Variants in ENAH observed in about 807,000 individuals in gnomAD.
The protein encoded by ENAH is ENAH actin regulator.
ENAH carries 23 observed loss-of-function variants against 78.7 expected under a neutral mutation model. The observed-to-expected ratio is 0.29, with a 90% CI of 0.21 to 0.41. ENAH has a LOEUF of 0.41. Among genes scored for constraint, ENAH ranks in the 10% least tolerant of loss-of-function variants. ENAH has a pLI of 1.00. For synonymous variants in ENAH, 226 were observed against 241.0 expected, an observed-to-expected ratio of 0.94 and a Z score of 0.58; for missense variants, 544 against 691.0, an observed-to-expected ratio of 0.79 and a Z score of 2.39.
At chr1:225,625,145 A>G (rs912527181) in intron 1 of ENAH, among the ~76,000 whole-genome samples, 3 of 152,246 alleles carry the variant, frequency 2.0e-5, no homozygotes, top group African/African-American at 4.8e-5. Flanking sequence ...TCCAAGAGTC[A>G]AAAGATATGA....
At chr1:225,505,613 C>A (rs1200656488) in intron 11 of ENAH, among the ~76,000 whole-genome samples, 2 of 101,954 alleles carry the variant, frequency 2.0e-5, no homozygotes, top group Non-Finnish European at 4.1e-5. Context: ...CACTACAATG[C>A]AAGGATAAGA....
At chr1:225,535,302 T>C (rs2096556303) in intron 3 of ENAH, among the ~76,000 whole-genome samples, 1 of 152,144 alleles carries the variant, frequency 6.6e-6, no homozygotes, top group African/African-American at 2.4e-5. Context: ...TTCTAACTAA[T>C]TCTAATGCTC....
chr1:225,636,013 T>C (rs1041337613), intron 1 of ENAH, among the ~76,000 whole-genome samples: 4 of 152,232 alleles, frequency 2.6e-5, no homozygotes, highest in Non-Finnish European at 5.9e-5. Context: ...GCCTGCCTGT[T>C]GGCCTTACAA....
At position 225,495,358 on chromosome 1, in the gene ENAH, A is replaced by T. The variant is rs571909250; in HGVS notation, c.*2417T>A. 4 of 152,480 alleles carry T rather than the reference A, an allele frequency of 2.6e-5. No homozygotes were observed. Among genetic ancestry groups the T allele is most frequent in the Non-Finnish European group, 5.9e-5 (4 of 67,970 alleles). 9.4% of individuals were successfully genotyped at this position (152,480 alleles called of 1,614,324 possible). The stretch of plus-strand genomic sequence containing the variant: ...AATCTCTAATAATGACACAACTGTC[A>T]TGTATGATAGCAAATGTATATAATA... On this transcript the variant is annotated 3_prime_UTR_variant, in exon 14 of 14. Coordinates refer to ENST00000366843, the MANE Select transcript of ENAH (RefSeq NM_018212.6).
chr1:225,517,805 G>A (rs567836149), intron 5 of ENAH: 538 of 1,551,386 alleles, frequency 3.5e-4, no homozygotes, highest in Non-Finnish European at 4.5e-4. Context: ...GTCGCTGAGT[G>A]TCGCAGTGGT....
At chr1:225,589,738 T>C (rs1488251340) in intron 1 of ENAH, among the ~76,000 whole-genome samples, 1 of 152,156 alleles carries the variant, frequency 6.6e-6, no homozygotes, top group Non-Finnish European at 1.5e-5. Flanking sequence ...AGATGTGTGA[T>C]AAAGCAAATA....
intron 11 of ENAH, chr1:225,505,161 A>G: frequency 1.3e-6 from 1 of 747,846 alleles, no homozygotes; most frequent in Non-Finnish European, 2.1e-6. Flanking sequence ...ACAAGAATTG[A>G]GTCTATTAAC....
chr1:225,527,722 T>C (rs1333807470), intron 4 of ENAH, among the ~76,000 whole-genome samples: 2 of 152,198 alleles, frequency 1.3e-5, no homozygotes, highest in East Asian at 1.9e-4. Flanking sequence ...GTACTCACAT[T>C]GCACGTGTGT....
chr1:225,621,784 G>C (rs1263615393), intron 1 of ENAH, among the ~76,000 whole-genome samples: 1 of 151,948 alleles, frequency 6.6e-6, no homozygotes, highest in East Asian at 1.9e-4. Context: ...ATTTACCTCA[G>C]CACACAGCTT....
At chr1:225,512,762 A>G in intron 8 of ENAH, 48 bp from the exon 9 acceptor site, 1 of 1,610,114 alleles carries the variant, frequency 6.2e-7, no homozygotes, top group South Asian at 1.1e-5. Flanking sequence ...CTGATTCAGT[A>G]TAAAAACCAC....
chr1:225,628,279 A>G (rs532587864), intron 1 of ENAH, among the ~76,000 whole-genome samples: 13 of 152,358 alleles, frequency 8.5e-5, no homozygotes, highest in African/African-American at 2.9e-4. Flanking sequence ...CATTTTGGCA[A>G]TAAGATTCAA....
intron 3 of ENAH, among the ~76,000 whole-genome samples, chr1:225,543,291 A>C (rs1177216635): frequency 6.6e-6 from 1 of 152,240 alleles, no homozygotes; most frequent in African/African-American, 2.4e-5. Context: ...GAATAGGAAA[A>C]GGAATTCTCT....
At chr1:225,641,520 C>T (rs971649971) in intron 1 of ENAH, among the ~76,000 whole-genome samples, 3 of 148,154 alleles carry the variant, frequency 2.0e-5, no homozygotes, top group African/African-American at 5.0e-5. Context: ...AATGAGTTGC[C>T]GCACACTTCA....
intron 4 of ENAH, among the ~76,000 whole-genome samples, chr1:225,520,458 CTA>C (rs2096458536): frequency 6.6e-6 from 1 of 151,836 alleles, no homozygotes; most frequent in African/African-American, 2.4e-5. Flanking sequence ...CTATATACCT[CTA>C]GACTTCCCCT....
rs535458595 is a variant in ENAH, at chr1:225,547,389, T to A, written c.349+7517A>T. ...CCGGCCAAGACCTCTATTATTAACA[T>A]ATGAGAATAGGTAGCCAGAATTCTT... On this transcript the variant is annotated intron_variant, in intron 3 of 13. Coordinates refer to ENST00000366843, the MANE Select transcript of ENAH (RefSeq NM_018212.6). Among the ~76,000 whole-genome samples, 110 of 152,214 alleles carry A rather than the reference T, an allele frequency of 7.2e-4. 1 individual carries two copies. The highest frequency in any genetic ancestry group is 2.5e-3 in the African/African-American group (103 of 41,548).
chr1:225,546,173 C>T (rs2096613035), intron 3 of ENAH, among the ~76,000 whole-genome samples: 1 of 152,008 alleles, frequency 6.6e-6, no homozygotes, highest in Admixed American at 6.6e-5. Context: ...AGAGATCTTC[C>T]CAAAGCACTG....
At chr1:225,632,251 C>A (rs1659217383) in intron 1 of ENAH, among the ~76,000 whole-genome samples, 1 of 152,182 alleles carries the variant, frequency 6.6e-6, no homozygotes, top group African/African-American at 2.4e-5. Flanking sequence ...GTAATCCCAG[C>A]ACTTTGGGAG....
At chr1:225,509,432 T>G (rs138571568) in intron 10 of ENAH, among the ~76,000 whole-genome samples, 7 of 152,270 alleles carry the variant, frequency 4.6e-5, no homozygotes, top group African/African-American at 1.7e-4. Context: ...CTTTTAGTCT[T>G]AAAAGGGCTC....
intron 3 of ENAH, among the ~76,000 whole-genome samples, chr1:225,536,590 C>T (rs1444657403): frequency 6.6e-6 from 1 of 151,184 alleles, no homozygotes; most frequent in East Asian, 1.9e-4. Flanking sequence ...TTTAGATCTC[C>T]CCTAAGACTG....
Sources: gnomAD v4.1 joint callset for allele counts (sites outside exome capture counted in the v4.1 genomes callset) on GRCh38, gnomAD v4.1.1 for gene constraint, MANE v1.5 for transcripts, NCBI Gene and HGNC (gene_info 2026-07-23, HGNC 2026-07-21) for gene names.